Variants in C12orf56 observed in about 807,000 individuals in gnomAD.
The protein encoded by C12orf56 is chromosome 12 open reading frame 56, also known as uncharacterized protein C12orf56.
In C12orf56, 71 loss-of-function variants were observed where a neutral mutation model predicts 69.9. The observed-to-expected ratio is 1.02, with a 90% CI of 0.84 to 1.24. C12orf56 has a LOEUF of 1.24. C12orf56 is among the 50% of genes most tolerant of loss of function. The pLI is 0.00. For synonymous variants in C12orf56, 276 were observed against 274.1 expected, an observed-to-expected ratio of 1.01 and a Z score of -0.07; for missense variants, 732 against 738.5, an observed-to-expected ratio of 0.99 and a Z score of 0.10.
chr12:64,267,412 T>G (rs2037929993), intron 12 of C12orf56, 124 bp from the exon 13 acceptor site: 2 of 756,722 alleles, frequency 2.6e-6, no homozygotes, highest in East Asian at 2.7e-5. Context: ...GCTACAAGAC[T>G]TGGTCAGCAT....
chr12:64,374,367 C>T (rs185429381), intron 1 of C12orf56, among the ~76,000 whole-genome samples: 1 of 152,246 alleles, frequency 6.6e-6, no homozygotes, highest in Admixed American at 6.5e-5. Flanking sequence ...TCATCAACAA[C>T]AGCAAAGACA....
At chr12:64,279,546 G>A (rs1286948136) in intron 8 of C12orf56, among the ~76,000 whole-genome samples, 4 of 152,140 alleles carry the variant, frequency 2.6e-5, no homozygotes, top group Non-Finnish European at 5.9e-5. Context: ...GAAAAAAGGA[G>A]GGTGAGTATA....
rs3057140 is a variant in C12orf56, at chr12:64,277,632, CTA to C, written c.1434+46_1434+47del. 504 of 933,128 alleles carry C rather than the reference CTA, an allele frequency of 5.4e-4. 1 individual carries two copies. The highest frequency in any genetic ancestry group is 2.1e-3 in the African/African-American group (122 of 57,090). 57.8% of individuals were successfully genotyped at this position (933,128 alleles called of 1,614,324 possible). A position where few individuals can be genotyped will look rare whatever the true frequency, so the allele number is the denominator to read the frequency against. ...TCCACATTAAAAGAAGCCAGGGCCCCTATATATATATATATATAATAGTTTAC... is the reference window on the plus strand; with the variant it reads ...TCCACATTAAAAGAAGCCAGGGCCCCTATATATATATATATAATAGTTTAC... On this transcript the variant is annotated intron_variant, in intron 9 of 12. Transcript: ENST00000543942.
At chr12:64,307,463 A>G (rs1216269249) in intron 5 of C12orf56, among the ~76,000 whole-genome samples, 1 of 140,024 alleles carries the variant, frequency 7.1e-6, no homozygotes, top group Non-Finnish European at 1.5e-5. Flanking sequence ...TCTACCTCCC[A>G]GGTTCAAGCA....
At chr12:64,377,069 A>T (rs2039651540) in intron 1 of C12orf56, among the ~76,000 whole-genome samples, 1 of 152,072 alleles carries the variant, frequency 6.6e-6, no homozygotes, top group Non-Finnish European at 1.5e-5. Context: ...CTGGTGTGAG[A>T]TAGTATCTCA....
At chr12:64,336,465 A>G (rs978184056) in intron 2 of C12orf56, among the ~76,000 whole-genome samples, 44 of 152,108 alleles carry the variant, frequency 2.9e-4, no homozygotes, top group African/African-American at 9.4e-4. Context: ...TTATTTTCCT[A>G]TACACGTTGA....
At chr12:64,286,236 C>A (rs7974953) in intron 6 of C12orf56, among the ~76,000 whole-genome samples, 176 bp from the exon 7 acceptor site, 144,177 of 152,286 alleles carry the variant, frequency 0.95, 68,728 homozygotes, top group East Asian at 1. Flanking sequence ...CTTACTTACA[C>A]CCAAGAGACC....
intron 3 of C12orf56, among the ~76,000 whole-genome samples, chr12:64,324,385 C>G (rs1377348189): frequency 6.6e-6 from 1 of 152,156 alleles, no homozygotes; most frequent in African/African-American, 2.4e-5. Context: ...ATAAAGAAAA[C>G]TTGTGTGTGT....
intron 1 of C12orf56, among the ~76,000 whole-genome samples, chr12:64,369,322 C>T (rs2135971165): frequency 6.6e-6 from 1 of 152,192 alleles, no homozygotes; most frequent in South Asian, 2.1e-4. Flanking sequence ...CTCAGCCTCC[C>T]AAATAGCTGG....
chr12:64,338,377 C>T (rs765899934), intron 2 of C12orf56: 116 of 675,578 alleles, frequency 1.7e-4, no homozygotes, highest in Admixed American at 2.7e-4. Flanking sequence ...TGGGGACCTC[C>T]TGGTCAATTT....
rs553303543 is a variant in C12orf56 at position 64,364,017 on chromosome 12, A to T, written c.253-10961T>A. Among the ~76,000 whole-genome samples, 1,043 of 147,154 alleles carry T rather than the reference A, an allele frequency of 7.1e-3. 6 individuals are homozygous for T. Among genetic ancestry groups the T allele is most frequent in the African/African-American group, 0.014 (527 of 38,870 alleles). On this transcript the variant is annotated intron_variant, in intron 1 of 12. Transcript: ENST00000543942. ...GTTTTTTCTTTCTTTTTTTTTTTTT[A>T]AAAAAGAGTGTTGGGCCAGGCACGG...
intron 2 of C12orf56, among the ~76,000 whole-genome samples, chr12:64,342,368 G>A (rs571687373): frequency 6.6e-6 from 1 of 152,310 alleles, no homozygotes; most frequent in East Asian, 1.9e-4. Context: ...CGAGAAAGAG[G>A]CCGTAGTGCT....
intron 2 of C12orf56, among the ~76,000 whole-genome samples, chr12:64,332,334 G>A (rs1024205941): frequency 7.2e-6 from 1 of 139,090 alleles, no homozygotes. Flanking sequence ...TTTCAGCCCC[G>A]CTCAGTGCAT....
intron 2 of C12orf56, among the ~76,000 whole-genome samples, chr12:64,345,806 A>T (rs377764186): frequency 2.0e-5 from 3 of 152,220 alleles, no homozygotes; most frequent in Non-Finnish European, 4.4e-5. Flanking sequence ...GGTTGTCTAC[A>T]TAATACTTCA....
At chr12:64,344,642 C>T (rs1320045126) in intron 2 of C12orf56, among the ~76,000 whole-genome samples, 1 of 152,136 alleles carries the variant, frequency 6.6e-6, no homozygotes, top group Admixed American at 6.6e-5. Context: ...CAGTTCCCAC[C>T]GTTAGATCTG....
chr12:64,277,581 T>A (rs73327138), intron 9 of C12orf56, 99 bp downstream of exon 9: 361 of 786,176 alleles, frequency 4.6e-4, no homozygotes, highest in South Asian at 9.1e-4. Context: ...GGTTTAATTA[T>A]GTTTCTCTAT....
At position 64,308,973 on chromosome 12, in the gene C12orf56, A is replaced by AAGAAAGAAAGAAAG. The variant is rs1291248261; in HGVS notation, c.968+3705_968+3706insCTTTCTTTCTTTCT. On this transcript the variant is annotated intron_variant, in intron 5 of 12. Coordinates refer to ENST00000543942, the MANE Select transcript of C12orf56 (RefSeq NM_001170633.2). Reference sequence around the variant, plus strand: ...AAAGAAAGAAAGAAAGAAAGAAAGAAAAGAAAGAAAGAAAAGAAAGAAGGA... The same window carrying AAGAAAGAAAGAAAG: ...AAAGAAAGAAAGAAAGAAAGAAAGAAAGAAAGAAAGAAAGAAGAAAGAAAGAAAAGAAAGAAGGA... 1.9e-4 allele frequency among the ~76,000 whole-genome samples: 9 copies of AAGAAAGAAAGAAAG among 47,280 alleles called. 1 individual carries two copies. The highest frequency in any genetic ancestry group is 8.1e-4 in the African/African-American group (9 of 11,082). The allele number at this position is 47,280 out of a possible 152,430, so 31.0% of individuals were successfully genotyped here. A position where few individuals can be genotyped will look rare whatever the true frequency, so the allele number is the denominator to read the frequency against.
intron 9 of C12orf56, 128 bp downstream of exon 9, chr12:64,277,552 G>C (rs1410304350): frequency 1.9e-5 from 11 of 584,322 alleles, no homozygotes; most frequent in Admixed American, 9.6e-5. Context: ...TGAGGTTAAT[G>C]ACAAAAGATC....
At chr12:64,387,641 G>A (rs2039812325) in intron 1 of C12orf56, among the ~76,000 whole-genome samples, 1 of 152,014 alleles carries the variant, frequency 6.6e-6, no homozygotes, top group African/African-American at 2.4e-5. Flanking sequence ...GCAAAACCCT[G>A]TCTCTACAAA....
Sources: allele counts gnomAD v4.1 joint callset (sites outside exome capture counted in the v4.1 genomes callset), GRCh38; gene constraint gnomAD v4.1.1; transcripts MANE v1.5; gene names NCBI Gene and HGNC (gene_info 2026-07-23, HGNC 2026-07-21).